Variants in STARD13 observed in about 807,000 individuals in gnomAD.
STARD13 encodes the protein StAR related lipid transfer domain containing 13, also known as stAR-related lipid transfer protein 13.
In STARD13, 62 loss-of-function variants were observed where a neutral mutation model predicts 106.4. The ratio of observed to expected loss-of-function variants is 0.58; its 90% CI spans 0.48 to 0.72. STARD13 has a LOEUF of 0.72. STARD13 is among the 30% of genes least tolerant of loss of function. The pLI is 0.00. For synonymous variants in STARD13, 565 were observed against 553.0 expected (o/e 1.02, Z -0.31); for missense variants, 1,387 against 1,424.0 (o/e 0.97, Z 0.42).
At chr13:33,309,974 A>C (rs1893069305) in intron 1 of STARD13, among the ~76,000 whole-genome samples, 1 of 152,160 alleles carries the variant, frequency 6.6e-6, no homozygotes, top group African/African-American at 2.4e-5. Flanking sequence ...CATTTTTTAC[A>C]ACTTTTATGT....
chr13:33,440,607 T>G, the STARD13 span, among the ~76,000 whole-genome samples: 1 of 151,454 alleles, frequency 6.6e-6, no homozygotes, highest in African/African-American at 2.4e-5. Flanking sequence ...TTTACTTAAG[T>G]TTTATTTTGT....
intron 3 of STARD13, among the ~76,000 whole-genome samples, chr13:33,149,571 A>G (rs1398100077): frequency 6.6e-6 from 1 of 152,238 alleles, no homozygotes; most frequent in African/African-American, 2.4e-5. Context: ...TCAAACAACC[A>G]TCCAAATCTT....
At chr13:33,389,401 G>A in the STARD13 span, among the ~76,000 whole-genome samples, 1 of 152,110 alleles carries the variant, frequency 6.6e-6, no homozygotes, top group African/African-American at 2.4e-5. Context: ...GCTATGGTGG[G>A]AGGAACTGTG....
At chr13:33,474,895 A>T in the STARD13 span, among the ~76,000 whole-genome samples, 1 of 152,216 alleles carries the variant, frequency 6.6e-6, no homozygotes, top group African/African-American at 2.4e-5. Context: ...TTAGGTAAAC[A>T]TCTAATATTT....
intron 3 of STARD13, 36 bp from the exon 4 acceptor site, chr13:33,142,409 T>A: frequency 6.4e-7 from 1 of 1,551,088 alleles, no homozygotes; most frequent in East Asian, 2.2e-5. Flanking sequence ...TTACTTTCAC[T>A]AATGAATTTA....
chr13:33,477,465 T>C, the STARD13 span, among the ~76,000 whole-genome samples: 1 of 152,152 alleles, frequency 6.6e-6, no homozygotes, highest in Non-Finnish European at 1.5e-5. Flanking sequence ...CTCTGGCAAA[T>C]CTTGCCAAGG....
At chr13:33,589,815 C>T in the STARD13 span, among the ~76,000 whole-genome samples, 2 of 152,154 alleles carry the variant, frequency 1.3e-5, no homozygotes, top group Non-Finnish European at 2.9e-5. Flanking sequence ...TCTATTAGGT[C>T]TGCTTGGTGC....
chr13:33,558,519 A>G, the STARD13 span, among the ~76,000 whole-genome samples: 2 of 152,152 alleles, frequency 1.3e-5, no homozygotes, highest in Non-Finnish European at 2.9e-5. Flanking sequence ...AATTAAAAAA[A>G]TACCTGCCTA....
At chr13:33,419,346 C>T in the STARD13 span, among the ~76,000 whole-genome samples, 1 of 151,948 alleles carries the variant, frequency 6.6e-6, no homozygotes, top group Non-Finnish European at 1.5e-5. Flanking sequence ...CCGATTCAAT[C>T]AAGTGGAAGA....
chr13:33,458,576 A>G, the STARD13 span, among the ~76,000 whole-genome samples: 1 of 152,038 alleles, frequency 6.6e-6, no homozygotes, highest in African/African-American at 2.4e-5. Context: ...AATATAATAC[A>G]TTATGATGAT....
chr13:33,403,173 T>A, the STARD13 span, among the ~76,000 whole-genome samples: 1 of 152,230 alleles, frequency 6.6e-6, no homozygotes, highest in Non-Finnish European at 1.5e-5. Context: ...CCCATCTGCG[T>A]GTTCCCCCTC....
At chr13:33,183,299 A>G (rs989481357) in intron 1 of STARD13, among the ~76,000 whole-genome samples, 8 of 152,202 alleles carry the variant, frequency 5.3e-5, no homozygotes, top group Non-Finnish European at 8.8e-5. Context: ...GACATGCTGA[A>G]TTAAGGAGGA....
chr13:33,380,201 C>A, the STARD13 span, among the ~76,000 whole-genome samples: 1 of 152,006 alleles, frequency 6.6e-6, no homozygotes, highest in Non-Finnish European at 1.5e-5. Context: ...GCCTTACCAA[C>A]GTGGTGAATT....
chr13:33,398,949 C>T, the STARD13 span, among the ~76,000 whole-genome samples: 2 of 152,092 alleles, frequency 1.3e-5, no homozygotes, highest in Admixed American at 6.5e-5. Flanking sequence ...TTCATGTGAA[C>T]GTTCATAGCA....
chr13:33,130,165 G>A lies in STARD13; in HGVS notation c.512C>T (p.Ser171Leu). The change falls in exon 5 of 14, where the codon TCA becomes TTA. Residue 171 changes from serine (S) to leucine (L), a missense_variant. Ser to Leu is a moderately radical substitution (Grantham distance 145). Transcript: ENST00000336934. The surrounding 1 kb of genome is among the most constrained non-coding windows in gnomAD (Gnocchi z 4.1). ...TLLPRGDRNG[S>L]PGGTGMRNTT... ...GTTCCTCATCCCCGTGCCTCCCGGTGACCCATTTCTGTCTCCTCGAGGGAG... is the reference window on the plus strand; with the variant it reads ...GTTCCTCATCCCCGTGCCTCCCGGTAACCCATTTCTGTCTCCTCGAGGGAG... 1 of 1,614,036 alleles carries A rather than the reference G, an allele frequency of 6.2e-7. No individual in the cohort carries two copies. Among genetic ancestry groups the A allele is most frequent in the South Asian group, 1.1e-5 (1 of 91,066 alleles).
chr13:33,432,939 A>AT, the STARD13 span, among the ~76,000 whole-genome samples: 1 of 152,238 alleles, frequency 6.6e-6, no homozygotes, highest in Admixed American at 6.5e-5. Context: ...TAATAAAACA[A>AT]TATGCCATAA....
intron 1 of STARD13, among the ~76,000 whole-genome samples, chr13:33,325,615 T>TA (rs1472445712): frequency 6.6e-6 from 1 of 150,404 alleles, no homozygotes; most frequent in African/African-American, 2.4e-5. Context: ...TCAAAAAGAG[T>TA]AAAAAAATGC....
chr13:33,212,159 T>A (rs896533379), intron 1 of STARD13, among the ~76,000 whole-genome samples: 2 of 152,158 alleles, frequency 1.3e-5, no homozygotes, highest in African/African-American at 4.8e-5. Context: ...CCTTTTGGGG[T>A]GGCTCACCTG....
At chr13:33,156,562 T>C (rs1179566589) in intron 3 of STARD13, among the ~76,000 whole-genome samples, 2 of 152,190 alleles carry the variant, frequency 1.3e-5, no homozygotes, top group Non-Finnish European at 2.9e-5. Context: ...ATGTCATGTG[T>C]TCTTGTCTGG....
Sources: gnomAD v4.1 joint callset for allele counts (sites outside exome capture counted in the v4.1 genomes callset) on GRCh38, gnomAD v4.1.1 for gene constraint, Gnocchi (gnomAD v3.1) non-coding constraint, MANE v1.5 for transcripts, NCBI Gene and HGNC (gene_info 2026-07-23, HGNC 2026-07-21) for gene names.